RPS6KA2: variants seen among roughly 807,000 people sequenced by gnomAD.
RPS6KA2 encodes ribosomal protein S6 kinase A2.
In RPS6KA2, 42 loss-of-function variants were observed where a neutral mutation model predicts 91.8. That is an observed-to-expected ratio of 0.46 (90% CI 0.36 to 0.59). The LOEUF (loss-of-function observed/expected upper bound fraction) is 0.59. Among genes scored for constraint, RPS6KA2 ranks in the 20% least tolerant of loss-of-function variants. The pLI, the probability that RPS6KA2 is intolerant of heterozygous loss-of-function variation, is 0.00. For synonymous variants in RPS6KA2, 414 were observed against 393.6 expected (o/e 1.05, Z -0.61); for missense variants, 798 against 978.5 (o/e 0.82, Z 2.46).
intron 2 of RPS6KA2, among the ~76,000 whole-genome samples, chr6:166,777,857 G>GA (rs1778667129): frequency 6.6e-6 from 1 of 151,562 alleles, no homozygotes; most frequent in Non-Finnish European, 1.5e-5. Context: ...GAAAAGAGAA[G>GA]AAAAAACCTT....
rs9457201 is a variant in RPS6KA2, at chr6:166,746,560, C to T, written c.123+111640G>A. Reference sequence around the variant, plus strand: ...AATTCAATTCGAATTCTGACACTACCGACCTGGAGATAGCCTCAGATTCCA... The same window carrying T: ...AATTCAATTCGAATTCTGACACTACTGACCTGGAGATAGCCTCAGATTCCA... On this transcript the variant is annotated intron_variant, in intron 2 of 21. Coordinates refer to the RPS6KA2 transcript ENST00000503859. Among the ~76,000 whole-genome samples, 763 of 152,306 alleles carry T rather than the reference C, an allele frequency of 5.0e-3. 13 individuals carry two copies. Among genetic ancestry groups the T allele is most frequent in the African/African-American group, 0.018 (732 of 41,560 alleles).
intron 2 of RPS6KA2, among the ~76,000 whole-genome samples, chr6:166,836,304 G>C (rs911884637): frequency 1.3e-5 from 2 of 152,040 alleles, no homozygotes; most frequent in Non-Finnish European, 2.9e-5. Context: ...GGACATATTT[G>C]TGTAGAATTG....
At position 166,510,342 on chromosome 6, in the gene RPS6KA2, C is replaced by T; in HGVS notation, c.314G>A (p.Arg105Lys). 3 of 1,599,872 alleles carry T rather than the reference C, an allele frequency of 1.9e-6. No individual in the cohort carries two copies. Among genetic ancestry groups the T allele is most frequent in the Non-Finnish European group, 1.7e-6 (2 of 1,171,264 alleles). The change falls in exon 4 of 21, where the codon AGA (arginine) becomes AAA (lysine). Residue 105 changes from arginine (R) to lysine (K), a missense_variant. Transcript: ENST00000265678. ...CAAGATGTCTCTCTCCATCTTCGATCTCACTCGGTCCCGAACTGCAAAGTA... is the reference window on the plus strand; with the variant it reads ...CAAGATGTCTCTCTCCATCTTCGATTTCACTCGGTCCCGAACTGCAAAGTA... ...KATLKVRDRV[R>K]SKMERDILAE... is the part of the protein sequence containing the mutation.
At chr6:166,807,117 T>C (rs190864793) in intron 2 of RPS6KA2, among the ~76,000 whole-genome samples, 2 of 152,026 alleles carry the variant, frequency 1.3e-5, no homozygotes, top group African/African-American at 4.8e-5. Flanking sequence ...AGAAAACAAA[T>C]AGCAAAATGA....
At position 166,651,958 on chromosome 6, in the gene RPS6KA2, C is replaced by T. The variant is rs185556894; in HGVS notation, c.124-113174G>A. On this transcript the variant is annotated intron_variant, in intron 2 of 21. Coordinates refer to the RPS6KA2 transcript ENST00000503859. ...CGTGGAGCCGGGATGCAGGAGCATC[C>T]GCCTTCTCCAAGTGAGTTCTCGGCA... Among the ~76,000 whole-genome samples the T allele has an allele frequency of 9.1e-4, 138 of 152,368 alleles. 1 individual carries two copies. Among genetic ancestry groups the T allele is most frequent in the Non-Finnish European group, 4.6e-4 (31 of 68,034 alleles).
rs111967587 is a variant in RPS6KA2 at position 166,803,464 on chromosome 6, A to G, written c.123+54736T>C. On this transcript the variant is annotated intron_variant, in intron 2 of 21. Coordinates refer to the RPS6KA2 transcript ENST00000503859. ...TGTTGGCCCTCATGCCCGGCTCACA[A>G]GGTAAAGTCAGCAACCCACATGTTA... Among the ~76,000 whole-genome samples, 559 of 152,314 alleles carry G rather than the reference A, an allele frequency of 3.7e-3. 4 individuals carry two copies. The highest frequency in any genetic ancestry group is 0.013 in the African/African-American group (539 of 41,566).
In RPS6KA2 at chr6:166,563,826, G is replaced by T. The variant is rs1421479334; in HGVS notation, c.100-25042C>A. On this transcript the variant is annotated intron_variant, in intron 1 of 20. Coordinates refer to ENST00000265678, the MANE Select transcript of RPS6KA2 (RefSeq NM_021135.6). The surrounding 1 kb of genome is among the most constrained non-coding windows in gnomAD (Gnocchi z 4.1). ...TATATCAGTGCTTATAATATTGTTT[G>T]CATGAAAAAAAAGTTTCTCATGTTT... is the stretch of plus-strand genomic sequence containing the variant. Among the ~76,000 whole-genome samples, 1 of 152,108 alleles carries T rather than the reference G, an allele frequency of 6.6e-6. No homozygotes were observed. The highest frequency in any genetic ancestry group is 1.5e-5 in the Non-Finnish European group (1 of 68,012).
chr6:166,480,348 G>A (rs1377662421), intron 10 of RPS6KA2, among the ~76,000 whole-genome samples: 4 of 151,534 alleles, frequency 2.6e-5, no homozygotes, highest in East Asian at 1.9e-4. Context: ...AAACATTCAC[G>A]GAAAGCAACA....
At chr6:166,455,621 G>A (rs145779484) in intron 12 of RPS6KA2, among the ~76,000 whole-genome samples, 146 of 152,346 alleles carry the variant, frequency 9.6e-4, no homozygotes, top group Non-Finnish European at 1.7e-3. Flanking sequence ...AAGGTACCCT[G>A]AGTGGTTTTT....
intron 2 of RPS6KA2, among the ~76,000 whole-genome samples, chr6:166,799,553 A>C (rs1223283046): frequency 6.6e-6 from 1 of 151,840 alleles, no homozygotes; most frequent in African/African-American, 2.4e-5. Context: ...AAAAGGAGTC[A>C]CAAAAAAAAT....
chr6:166,518,690 G>A (rs984050933), intron 3 of RPS6KA2, among the ~76,000 whole-genome samples: 1 of 152,226 alleles, frequency 6.6e-6, no homozygotes, highest in Admixed American at 6.5e-5. Flanking sequence ...AACAGGAAAA[G>A]GATGTGTTCA....
chr6:166,805,174 T>A (rs764090965), intron 2 of RPS6KA2, among the ~76,000 whole-genome samples: 4 of 152,208 alleles, frequency 2.6e-5, no homozygotes, highest in Non-Finnish European at 4.4e-5. Flanking sequence ...CCTCTTGGCG[T>A]AGTAACAGTT....
intron 8 of RPS6KA2, among the ~76,000 whole-genome samples, chr6:166,497,928 C>CAAG (rs1170220033): frequency 6.6e-6 from 1 of 152,132 alleles, no homozygotes; most frequent in Non-Finnish European, 1.5e-5. Flanking sequence ...ACGCCTGCTC[C>CAAG]ACCCTGAGGT....
chr6:166,684,411 T>C (rs114940689), intron 2 of RPS6KA2, among the ~76,000 whole-genome samples: 2,928 of 152,336 alleles, frequency 0.019, 93 homozygotes, highest in African/African-American at 0.066. Flanking sequence ...ACTTTCTGCC[T>C]AGCAGGTAAC....
At position 166,410,062 on chromosome 6, in the gene RPS6KA2, C is replaced by G. The variant is rs1042161099; in HGVS notation, c.*2700G>C. On this transcript the variant is annotated 3_prime_UTR_variant, in exon 21 of 21. Coordinates refer to ENST00000265678, the MANE Select transcript of RPS6KA2 (RefSeq NM_021135.6). ...GGTATTTCTCCCACATGGGGGGCTG[C>G]CAGGGAAGGAGGACCCTATAGGGTG... 8 of 152,068 alleles carry G rather than the reference C, an allele frequency of 5.3e-5. No individual in the cohort carries two copies. The highest frequency in any genetic ancestry group is 1.9e-4 in the African/African-American group (8 of 41,392). The allele number at this position is 152,068 out of a possible 1,614,324, so 9.4% of individuals were successfully genotyped here. A position where few individuals can be genotyped will look rare whatever the true frequency, so the allele number is the denominator to read the frequency against.
chr6:166,409,968 A>G lies in RPS6KA2; in HGVS notation c.*2794T>C, dbSNP rs992106959. 2 of 152,088 alleles carry G rather than the reference A, an allele frequency of 1.3e-5. No homozygotes were observed. Among genetic ancestry groups the G allele is most frequent in the Non-Finnish European group, 2.9e-5 (2 of 68,010 alleles). 9.4% of individuals were successfully genotyped at this position (152,088 alleles called of 1,614,324 possible). On this transcript the variant is annotated 3_prime_UTR_variant, in exon 21 of 21. Transcript: ENST00000265678. ...ACTTGAGGGTAAAAGTGAAATCCTCACCTCTTGCCCATGTTTGACTTTGGG... is the reference window on the plus strand; with the variant it reads ...ACTTGAGGGTAAAAGTGAAATCCTCGCCTCTTGCCCATGTTTGACTTTGGG...
chr6:166,843,556 T>A (rs569275092), intron 2 of RPS6KA2, among the ~76,000 whole-genome samples: 3 of 152,178 alleles, frequency 2.0e-5, no homozygotes, highest in Non-Finnish European at 4.4e-5. Context: ...GGTGCTGGTA[T>A]CCACAGCTGA....
intron 2 of RPS6KA2, among the ~76,000 whole-genome samples, chr6:166,669,943 G>T (rs1788424804): frequency 6.6e-6 from 1 of 152,210 alleles, no homozygotes; most frequent in Non-Finnish European, 1.5e-5. Flanking sequence ...GTCCTATGGA[G>T]GAGTTGCCAG....
intron 2 of RPS6KA2, among the ~76,000 whole-genome samples, chr6:166,658,222 G>A (rs964426377): frequency 1.3e-5 from 2 of 152,094 alleles, no homozygotes; most frequent in African/African-American, 2.4e-5. Context: ...GTTGGGGGTG[G>A]CACCAAGTTG....
Sources: allele counts gnomAD v4.1 joint callset (sites outside exome capture counted in the v4.1 genomes callset), GRCh38; gene constraint gnomAD v4.1.1; non-coding constraint Gnocchi (gnomAD v3.1); transcripts MANE v1.5; gene names NCBI Gene and HGNC (gene_info 2026-07-23, HGNC 2026-07-21).